Variants in MOB3B observed in about 807,000 individuals in gnomAD.
MOB3B encodes MOB kinase activator-like 2B.
In MOB3B, 7 loss-of-function variants were observed where a neutral mutation model predicts 18.7. The observed-to-expected ratio is 0.37, with a 90% CI of 0.21 to 0.70. MOB3B has a LOEUF of 0.70. Among genes scored for constraint, MOB3B ranks in the 30% least tolerant of loss-of-function variants. The probability of loss-of-function intolerance (pLI) is 0.52; values close to 1 mark genes in which losing one functional copy is unlikely to be tolerated. For synonymous variants in MOB3B, 111 were observed against 99.9 expected, an observed-to-expected ratio of 1.11 and a Z score of -0.66; for missense variants, 253 against 281.3, an observed-to-expected ratio of 0.90 and a Z score of 0.72.
At chr9:27,417,358 C>A (rs1822167868) in intron 2 of MOB3B, among the ~76,000 whole-genome samples, 1 of 150,246 alleles carries the variant, frequency 6.7e-6, no homozygotes, top group Admixed American at 6.8e-5. Flanking sequence ...AGCGAGACTC[C>A]GTCTCAAAAA....
intron 3 of MOB3B, 57 bp downstream of exon 3, chr9:27,358,977 A>T: frequency 6.5e-7 from 1 of 1,550,280 alleles, no homozygotes; most frequent in East Asian, 2.2e-5. Flanking sequence ...ATGCGCTCTG[A>T]CAAATGGCCG....
intron 1 of MOB3B, chr9:27,524,825 G>C: frequency 6.2e-7 from 1 of 1,614,068 alleles, no homozygotes; most frequent in Non-Finnish European, 8.5e-7. Flanking sequence ...TGGAACTGAG[G>C]AGATATTTCC....
chr9:27,381,433 A>G (rs935035107), intron 2 of MOB3B, among the ~76,000 whole-genome samples: 1 of 152,038 alleles, frequency 6.6e-6, no homozygotes, highest in African/African-American at 2.4e-5. Context: ...CAAAAGACTG[A>G]GAAGCTGCCT....
At chr9:27,418,814 G>A (rs1166674039) in intron 2 of MOB3B, among the ~76,000 whole-genome samples, 1 of 152,052 alleles carries the variant, frequency 6.6e-6, no homozygotes, top group Non-Finnish European at 1.5e-5. Context: ...CTTCAGACAA[G>A]AGAAAGAAAT....
In MOB3B at chr9:27,369,048, C is replaced by T. The variant is rs534070484; in HGVS notation, c.419-9812G>A. ...AAAGCCATTAGAAACAAACCCTAGA[C>T]CGTGTAAACCTGACCAGTTTGCTGA... On this transcript the variant is annotated intron_variant, in intron 2 of 3. Coordinates refer to ENST00000262244, the MANE Select transcript of MOB3B (RefSeq NM_024761.5). 2.6e-5 allele frequency among the ~76,000 whole-genome samples: 4 copies of T among 152,318 alleles called. No homozygotes were observed. The South Asian group carries it at 6.2e-4, about 24-fold the overall frequency.
chr9:27,517,615 T>A (rs1820256803), intron 1 of MOB3B, among the ~76,000 whole-genome samples: 1 of 111,046 alleles, frequency 9.0e-6, no homozygotes, highest in African/African-American at 3.5e-5. Flanking sequence ...GCCACTGCAC[T>A]CCAGCCTGGC....
intron 3 of MOB3B, 80 bp from the exon 4 acceptor site, chr9:27,330,696 T>C: frequency 1.3e-6 from 2 of 1,591,128 alleles, no homozygotes; most frequent in Admixed American, 1.7e-5. Context: ...GAAAATGCTC[T>C]TGGAATCTCG....
intron 2 of MOB3B, among the ~76,000 whole-genome samples, chr9:27,438,592 C>A (rs921673040): frequency 9.9e-5 from 15 of 152,284 alleles, no homozygotes; most frequent in Non-Finnish European, 2.1e-4. Context: ...TACAATACTT[C>A]ATGTGAAAAA....
intron 3 of MOB3B, among the ~76,000 whole-genome samples, chr9:27,344,902 C>T (rs1344428959): frequency 6.6e-6 from 1 of 152,248 alleles, no homozygotes; most frequent in Non-Finnish European, 1.5e-5. Context: ...CATACAATAA[C>T]AAAGCTGCTT....
intron 1 of MOB3B, among the ~76,000 whole-genome samples, chr9:27,479,504 T>C (rs1358167038): frequency 6.6e-6 from 1 of 152,198 alleles, no homozygotes; most frequent in Non-Finnish European, 1.5e-5. Context: ...GACTATCCAA[T>C]TCATAGACCC....
intron 2 of MOB3B, among the ~76,000 whole-genome samples, chr9:27,380,573 A>G (rs999770415): frequency 2.6e-5 from 4 of 152,166 alleles, no homozygotes; most frequent in Admixed American, 2.6e-4. Context: ...GGCTGAAGCC[A>G]CTGGGCATTT....
chr9:27,406,351 C>T (rs1049962779), intron 2 of MOB3B, among the ~76,000 whole-genome samples: 9 of 152,064 alleles, frequency 5.9e-5, no homozygotes, highest in African/African-American at 2.2e-4. Context: ...CCTGTCATAA[C>T]ACCAGTAATG....
At position 27,330,470 on chromosome 9, in the gene MOB3B, C is replaced by T. The variant is rs1427597808; in HGVS notation, c.*117G>A. 8 of 1,371,834 alleles carry T rather than the reference C, an allele frequency of 5.8e-6. No individual in the cohort carries two copies. The East Asian group carries it at 1.9e-4, about 33-fold the overall frequency. 85.0% of individuals were successfully genotyped at this position (1,371,834 alleles called of 1,614,324 possible). ...TCTCTCAGGAGTCACTGCTTGCCTC[C>T]ACCTCTGCTGTTCCTGGGAGTAGGT... On this transcript the variant is annotated 3_prime_UTR_variant, in exon 4 of 4. Coordinates refer to ENST00000262244, the MANE Select transcript of MOB3B (RefSeq NM_024761.5).
chr9:27,442,560 T>C (rs776666510), intron 2 of MOB3B, among the ~76,000 whole-genome samples: 67 of 152,176 alleles, frequency 4.4e-4, no homozygotes, highest in Non-Finnish European at 8.5e-4. Context: ...CAGCCAGGTA[T>C]TTCTACCTCC....
chr9:27,465,900 G>A (rs574555112), intron 1 of MOB3B, among the ~76,000 whole-genome samples: 2 of 152,116 alleles, frequency 1.3e-5, no homozygotes, highest in African/African-American at 2.4e-5. Context: ...TCCTGGGACC[G>A]GCCCACAAAA....
At chr9:27,335,313 C>T (rs570979277) in intron 3 of MOB3B, among the ~76,000 whole-genome samples, 11 of 152,184 alleles carry the variant, frequency 7.2e-5, no homozygotes, top group Non-Finnish European at 1.3e-4. Context: ...ACTTTAATTT[C>T]GGAGATGTGG....
At chr9:27,513,256 A>T (rs1395969218) in intron 1 of MOB3B, among the ~76,000 whole-genome samples, 1 of 152,024 alleles carries the variant, frequency 6.6e-6, no homozygotes, top group Non-Finnish European at 1.5e-5. Context: ...TACCAGTCTT[A>T]TTTTTTCCAT....
intron 2 of MOB3B, among the ~76,000 whole-genome samples, chr9:27,424,395 C>T (rs1822297694): frequency 6.6e-6 from 1 of 152,140 alleles, no homozygotes; most frequent in Non-Finnish European, 1.5e-5. Context: ...AAACTGAAGG[C>T]CCAAAGAGAT....
intron 2 of MOB3B, among the ~76,000 whole-genome samples, chr9:27,360,471 C>G (rs1486542584): frequency 1.3e-5 from 2 of 152,224 alleles, no homozygotes; most frequent in African/African-American, 4.8e-5. Flanking sequence ...CGCCACTGCA[C>G]TCCAGCCTTG....
Sources: gnomAD v4.1 joint callset for allele counts (sites outside exome capture counted in the v4.1 genomes callset) on GRCh38, gnomAD v4.1.1 for gene constraint, MANE v1.5 for transcripts, NCBI Gene and HGNC (gene_info 2026-07-23, HGNC 2026-07-21) for gene names.